CFAP20DC: variants seen among roughly 807,000 people sequenced by gnomAD.
CFAP20DC encodes the protein protein CFAP20DC.
CFAP20DC carries 84 observed loss-of-function variants against 101.7 expected under a neutral mutation model. The ratio of observed to expected loss-of-function variants is 0.83; its 90% CI spans 0.69 to 0.99. The LOEUF is 0.99. CFAP20DC is among the 50% of genes least tolerant of loss of function. The pLI is 0.00. For synonymous variants in CFAP20DC, 359 were observed against 351.2 expected (o/e 1.02, Z -0.25); for missense variants, 1,007 against 970.3 (o/e 1.04, Z -0.50).
At chr3:58,902,125 G>A (rs2083201255) in intron 6 of CFAP20DC, among the ~76,000 whole-genome samples, 1 of 152,100 alleles carries the variant, frequency 6.6e-6, no homozygotes, top group African/African-American at 2.4e-5. Context: ...CCATTCCATT[G>A]CAATACATAC....
chr3:58,998,523 A>G (rs1559966333), intron 4 of CFAP20DC, among the ~76,000 whole-genome samples: 1 of 152,202 alleles, frequency 6.6e-6, no homozygotes. Context: ...TTAAGCTCTC[A>G]TGCCTATTAA....
At chr3:58,743,063 G>A (rs2067967189) in intron 16 of CFAP20DC, among the ~76,000 whole-genome samples, 1 of 152,124 alleles carries the variant, frequency 6.6e-6, no homozygotes, top group Non-Finnish European at 1.5e-5. Flanking sequence ...AGAACTATAA[G>A]ATACATAGAA....
chr3:58,761,239 C>T (rs543271080), intron 15 of CFAP20DC, among the ~76,000 whole-genome samples: 4 of 152,268 alleles, frequency 2.6e-5, no homozygotes, highest in East Asian at 3.9e-4. Context: ...TTCAGAGATT[C>T]AACTTCTTCC....
chr3:58,931,988 A>G (rs888469323), intron 5 of CFAP20DC, among the ~76,000 whole-genome samples: 1 of 152,220 alleles, frequency 6.6e-6, no homozygotes, highest in African/African-American at 2.4e-5. Flanking sequence ...CTACAGGAGG[A>G]AATTCAAACC....
intron 4 of CFAP20DC, among the ~76,000 whole-genome samples, chr3:58,946,890 G>A (rs2089442610): frequency 6.6e-6 from 1 of 152,168 alleles, no homozygotes; most frequent in Admixed American, 6.5e-5. Flanking sequence ...GCCAGAACCT[G>A]CATACCATTT....
chr3:58,826,280 A>G (rs947137107), intron 14 of CFAP20DC, among the ~76,000 whole-genome samples: 1 of 152,214 alleles, frequency 6.6e-6, no homozygotes, highest in African/African-American at 2.4e-5. Context: ...AATCTTGACG[A>G]AAATTATTTT....
intron 4 of CFAP20DC, among the ~76,000 whole-genome samples, chr3:59,016,394 G>A (rs538359492): frequency 6.6e-6 from 1 of 152,206 alleles, no homozygotes; most frequent in Non-Finnish European, 1.5e-5. Flanking sequence ...GATGGGAAGG[G>A]TATGGGGAGC....
intron 3 of CFAP20DC, among the ~76,000 whole-genome samples, chr3:58,718,145 G>C (rs2067422335): frequency 1.3e-5 from 2 of 152,266 alleles, no homozygotes; most frequent in South Asian, 2.1e-4. Context: ...GGGTCCTACA[G>C]TTTAAGGGAA....
At chr3:59,049,571 G>T (rs1386005606) in intron 1 of CFAP20DC, 40 bp downstream of exon 1, 1 of 1,525,190 alleles carries the variant, frequency 6.6e-7, no homozygotes, top group African/African-American at 1.4e-5. Flanking sequence ...CACCCAAGAG[G>T]AGAAAGGTAT....
intron 5 of CFAP20DC, among the ~76,000 whole-genome samples, chr3:58,932,815 A>G (rs1321647412): frequency 2.0e-5 from 3 of 152,232 alleles, no homozygotes; most frequent in Non-Finnish European, 4.4e-5. Context: ...GCAACTGCAA[A>G]ATCATGCCAA....
At chr3:58,995,634 G>A (rs909752705) in intron 4 of CFAP20DC, among the ~76,000 whole-genome samples, 5 of 152,108 alleles carry the variant, frequency 3.3e-5, no homozygotes, top group African/African-American at 7.2e-5. Context: ...ATCTGTGAAG[G>A]TGTTTTTGGC....
At chr3:58,747,115 C>G (rs2068258881) in intron 16 of CFAP20DC, among the ~76,000 whole-genome samples, 1 of 152,126 alleles carries the variant, frequency 6.6e-6, no homozygotes, top group South Asian at 2.1e-4. Flanking sequence ...CCATTTTCTG[C>G]TACTAGACTA....
chr3:58,816,713 AG>A (rs1174820534), intron 14 of CFAP20DC, among the ~76,000 whole-genome samples: 1 of 152,026 alleles, frequency 6.6e-6, no homozygotes, highest in Admixed American at 6.6e-5. Context: ...AGGCTGGGGG[AG>A]GGGCGCCCGC....
chr3:58,913,545 A>G lies in CFAP20DC; in HGVS notation c.550+163T>C. The stretch of plus-strand genomic sequence containing the variant: ...TGTGACATTCAGCTATAGTAAAAAT[A>G]AACATTTGATCTAGAACAAAGAAAT... On this transcript the variant is annotated intron_variant, in intron 6 of 16. Coordinates refer to ENST00000482387, the MANE Select transcript of CFAP20DC (RefSeq NM_001394063.1). The surrounding 1 kb of genome is among the most constrained non-coding windows in gnomAD (Gnocchi z 4.4). The G allele has an allele frequency of 1.5e-6, 1 of 677,870 alleles. No individual in the cohort carries two copies. Among genetic ancestry groups the G allele is most frequent in the Non-Finnish European group, 2.5e-6 (1 of 394,426 alleles). 42.0% of individuals were successfully genotyped at this position (677,870 alleles called of 1,614,324 possible).
chr3:58,861,292 T>G lies in CFAP20DC; in HGVS notation c.1593+2266A>C. On this transcript the variant is annotated intron_variant, in intron 12 of 16. Coordinates refer to ENST00000482387, the MANE Select transcript of CFAP20DC (RefSeq NM_001394063.1). This position sits in a 1 kb window ranked among gnomAD's most constrained non-coding sequence, Gnocchi z 4.0. ...TCAAGCATAATAATATAATTGTTAT[T>G]CACTTGTCCACCATTATTTACAACT... 1 of 680,314 alleles carries G rather than the reference T, an allele frequency of 1.5e-6. No homozygotes were observed. Among genetic ancestry groups the G allele is most frequent in the Non-Finnish European group, 1.8e-6 (1 of 551,724 alleles). The allele number at this position is 680,314 out of a possible 1,614,324, so 42.1% of individuals were successfully genotyped here.
intron 3 of CFAP20DC, 128 bp downstream of exon 3, chr3:59,046,098 TAAA>T: frequency 3.2e-6 from 2 of 618,192 alleles, no homozygotes; most frequent in Non-Finnish European, 5.4e-6. Context: ...CCCTCTAAAT[TAAA>T]AAAAAAATTC....
chr3:58,842,166 G>A (rs1254027195), intron 13 of CFAP20DC, among the ~76,000 whole-genome samples: 1 of 152,194 alleles, frequency 6.6e-6, no homozygotes, highest in South Asian at 2.1e-4. Flanking sequence ...GAGGAGCCAA[G>A]ATGGCCGAAT....
At chr3:58,965,552 C>G (rs1210422691) in intron 4 of CFAP20DC, among the ~76,000 whole-genome samples, 1 of 152,046 alleles carries the variant, frequency 6.6e-6, no homozygotes, top group Non-Finnish European at 1.5e-5. Flanking sequence ...TAATCTGGGA[C>G]AATTTACTTA....
chr3:58,934,094 C>G (rs2087152145), intron 5 of CFAP20DC, among the ~76,000 whole-genome samples: 1 of 152,136 alleles, frequency 6.6e-6, no homozygotes, highest in African/African-American at 2.4e-5. Flanking sequence ...GGGGATATCA[C>G]CATCGATCCC....
Sources: gnomAD v4.1 joint callset for allele counts (sites outside exome capture counted in the v4.1 genomes callset) on GRCh38, gnomAD v4.1.1 for gene constraint, Gnocchi (gnomAD v3.1) non-coding constraint, MANE v1.5 for transcripts, NCBI Gene and HGNC (gene_info 2026-07-23, HGNC 2026-07-21) for gene names.